TMEM62: variants seen among roughly 807,000 people sequenced by gnomAD.
TMEM62 encodes the protein transmembrane protein 62.
In TMEM62, 41 loss-of-function variants were observed where a neutral mutation model predicts 70.4. That is an observed-to-expected ratio of 0.58 (90% CI 0.45 to 0.76). The LOEUF is 0.76. Ranked by LOEUF, TMEM62 falls within the 30% of genes least tolerant of loss-of-function variation. TMEM62 has a pLI of 0.00. For synonymous variants in TMEM62, 268 were observed against 291.0 expected (o/e 0.92, Z 0.80); for missense variants, 688 against 788.5 (o/e 0.87, Z 1.53).
chr15:43,171,979 A>T (rs1412010656), intron 11 of TMEM62, among the ~76,000 whole-genome samples: 1 of 152,192 alleles, frequency 6.6e-6, no homozygotes, highest in Non-Finnish European at 1.5e-5. Flanking sequence ...CTCTGGAAGT[A>T]AGTAATTTTG....
upstream of TMEM62, chr15:43,133,449 A>G: frequency 4.5e-6 from 1 of 223,228 alleles, no homozygotes; most frequent in Non-Finnish European, 8.7e-6. Context: ...ACCAAGGCGG[A>G]GCCAGGACTC....
chr15:43,158,591 T>C (rs2038312371), intron 9 of TMEM62, among the ~76,000 whole-genome samples: 1 of 152,250 alleles, frequency 6.6e-6, no homozygotes, highest in South Asian at 2.1e-4. Context: ...CCATTGATGA[T>C]ACTTACCTAA....
intron 5 of TMEM62, among the ~76,000 whole-genome samples, chr15:43,147,588 G>C (rs12899266): frequency 0.87 from 132,993 of 152,266 alleles, 58,247 homozygotes; most frequent in Middle Eastern, 0.92. Context: ...TAAATTAGAA[G>C]TAAGAGGTTC....
intron 9 of TMEM62, 49 bp downstream of exon 9, chr15:43,154,880 C>A: frequency 1.4e-6 from 2 of 1,456,184 alleles, no homozygotes; most frequent in Non-Finnish European, 1.8e-6. Flanking sequence ...GCTGTAGCCA[C>A]AATGAATTCT....
chr15:43,135,587 G>C lies in TMEM62; in HGVS notation c.368G>C (p.Gly123Ala). The change falls in exon 3 of 14, where the codon GGT becomes GCT. Residue 123 changes from glycine (G) to alanine (A), a missense_variant. Coordinates refer to ENST00000260403, the MANE Select transcript of TMEM62 (RefSeq NM_024956.4). Reference sequence around the variant, plus strand: ...GAGGTAGAATGGCAAACCTACCAGGGTATTCTGAAGAAGACAAGAGTCATG... The same window carrying C: ...GAGGTAGAATGGCAAACCTACCAGGCTATTCTGAAGAAGACAAGAGTCATG... ...QHEVEWQTYQ[G>A]ILKKTRVMEK... The C allele has an allele frequency of 6.2e-7, 1 of 1,610,206 alleles. No homozygotes were observed. The highest frequency in any genetic ancestry group is 8.5e-7 in the Non-Finnish European group (1 of 1,179,190).
intron 7 of TMEM62, among the ~76,000 whole-genome samples, chr15:43,150,231 T>A (rs2037195289): frequency 6.6e-6 from 1 of 152,248 alleles, no homozygotes; most frequent in South Asian, 2.1e-4. Flanking sequence ...AACGTGTAAT[T>A]ATTTGGCAAC....
At position 43,184,313 on chromosome 15, in the gene TMEM62, G is replaced by A. The variant is rs777772885; in HGVS notation, c.1659G>A (p.Gln553=). The A allele has an allele frequency of 1.1e-5, 18 of 1,614,182 alleles. No homozygotes were observed. The Middle Eastern group carries it at 1.5e-3, about 133-fold the overall frequency. ...LMAYMCWSLL[Q]RCFGHNFRSH... is the part of the protein sequence containing the mutation. ...CTTACATGTGTTGGAGCTTGCTGCAGCGGTGCTTTGGTCACAACTTCAGGT... is the reference window on the plus strand; with the variant it reads ...CTTACATGTGTTGGAGCTTGCTGCAACGGTGCTTTGGTCACAACTTCAGGT... Residue 553 remains glutamine, a synonymous_variant, in exon 14 of 14, where the codon CAG becomes CAA. Coordinates refer to ENST00000260403, the MANE Select transcript of TMEM62 (RefSeq NM_024956.4).
Position 43,148,780 on chromosome 15 carries a change from T to C in TMEM62, c.644T>C (p.Leu215Pro), listed in dbSNP as rs1446696643. 6.2e-7 allele frequency: 1 copy of C among 1,613,946 alleles called. No homozygotes were observed. The highest frequency in any genetic ancestry group is 8.5e-7 in the Non-Finnish European group (1 of 1,179,998). ...AAAAAGATGGAGGAGCTCTTATTAC[T>C]GGCCAAGGAAAGCAGTCGGAGCAAC... Reference protein sequence around the residue: ...DKKKMEELLLLAKESSRSNHT... With the variant: ...DKKKMEELLLPAKESSRSNHT... Residue 215 changes from leucine (L) to proline (P), a missense_variant, in exon 6 of 14, where the codon CTG (leucine) becomes CCG (proline). Leu to Pro is a moderately conservative substitution (Grantham distance 98). Coordinates refer to ENST00000260403, the MANE Select transcript of TMEM62 (RefSeq NM_024956.4).
intron 11 of TMEM62, 57 bp from the exon 12 acceptor site, chr15:43,178,550 A>G: frequency 9.0e-7 from 1 of 1,112,596 alleles, no homozygotes; most frequent in South Asian, 1.3e-5. Context: ...AGAAAATGTC[A>G]TAAAGAAACT....
Position 43,151,860 on chromosome 15 carries a change from G to C in TMEM62, c.937G>C (p.Val313Leu), listed in dbSNP as rs2037433692. The part of the protein sequence containing the change: ...ADLIFGKWPV[V>L]LITNPKSLLY... ...TTTGATCTTTGGGAAGTGGCCTGTG[G>C]TTCTTATCACCAATCCTAAATCACT... The change falls in exon 8 of 14, where the codon GTT (valine) becomes CTT (leucine). Residue 313 changes from valine to leucine, a missense_variant. By Grantham distance (32) the Val-to-Leu change is conservative (BLOSUM62 1). Coordinates refer to ENST00000260403, the MANE Select transcript of TMEM62 (RefSeq NM_024956.4). 6.2e-7 allele frequency: 1 copy of C among 1,613,832 alleles called. No individual in the cohort carries two copies. Among genetic ancestry groups the C allele is most frequent in the Admixed American group, 1.7e-5 (1 of 59,982 alleles).
intron 12 of TMEM62, chr15:43,180,924 T>C: frequency 3.4e-6 from 1 of 292,828 alleles, no homozygotes; most frequent in Non-Finnish European, 6.3e-6. Flanking sequence ...GCTTTTTTTG[T>C]TTCTAGAATC....
At chr15:43,163,564 C>T (rs924254369) in intron 10 of TMEM62, among the ~76,000 whole-genome samples, 22 of 151,936 alleles carry the variant, frequency 1.4e-4, no homozygotes, top group Middle Eastern at 3.4e-3. Context: ...GGGCGGATCA[C>T]GAGGTCAGGA....
intron 7 of TMEM62, 55 bp downstream of exon 7, chr15:43,149,206 A>G (rs988380467): frequency 1.1e-5 from 18 of 1,582,204 alleles, no homozygotes; most frequent in Non-Finnish European, 1.5e-5. Context: ...TGCCAAAGCA[A>G]TGATAGTTTT....
chr15:43,167,265 AC>A (rs554820377), intron 10 of TMEM62, among the ~76,000 whole-genome samples: 1,641 of 133,014 alleles, frequency 0.012, 113 homozygotes, highest in Admixed American at 0.11. Context: ...CGGGGGGCTG[AC>A]CCCCCCACCT....
chr15:43,172,345 G>C (rs964418487), intron 11 of TMEM62, among the ~76,000 whole-genome samples: 1 of 152,086 alleles, frequency 6.6e-6, no homozygotes, highest in South Asian at 2.1e-4. Context: ...TGAAAACTAA[G>C]ATATTAGATA....
intron 4 of TMEM62, among the ~76,000 whole-genome samples, chr15:43,142,236 G>A (rs1021625838): frequency 6.7e-6 from 1 of 149,532 alleles, no homozygotes; most frequent in Non-Finnish European, 1.5e-5. Flanking sequence ...TGCGATCTTG[G>A]CTCACTGCAA....
chr15:43,143,412 G>A (rs540182777), intron 4 of TMEM62, among the ~76,000 whole-genome samples: 9 of 152,280 alleles, frequency 5.9e-5, no homozygotes, highest in East Asian at 3.9e-4. Flanking sequence ...CATGTGACTC[G>A]CTTTTTTGCA....
At chr15:43,175,915 G>C (rs1387561149) in intron 11 of TMEM62, among the ~76,000 whole-genome samples, 4 of 152,254 alleles carry the variant, frequency 2.6e-5, no homozygotes, top group Non-Finnish European at 1.5e-5. Context: ...GGGTCGGGGA[G>C]TTCCCTTTCC....
chr15:43,146,360 T>A (rs1036213616), intron 4 of TMEM62, 133 bp from the exon 5 acceptor site: 1 of 804,750 alleles, frequency 1.2e-6, no homozygotes, highest in Non-Finnish European at 1.9e-6. Context: ...CCATTGTGGA[T>A]CTAGTTTAGT....
Sources: gnomAD v4.1 joint callset for allele counts (sites outside exome capture counted in the v4.1 genomes callset) on GRCh38, gnomAD v4.1.1 for gene constraint, MANE v1.5 for transcripts, NCBI Gene and HGNC (gene_info 2026-07-23, HGNC 2026-07-21) for gene names.